The following ZNF385C variants were observed in gnomAD, a reference collection of about 807,000 sequenced individuals.
ZNF385C encodes the protein CTD-2132N18.2.
In ZNF385C, 28 loss-of-function variants were observed where a neutral mutation model predicts 35.4. That is an observed-to-expected ratio of 0.79 (90% CI 0.59 to 1.08). The LOEUF is 1.08. Among genes scored for constraint, ZNF385C ranks in the 50% least tolerant of loss-of-function variants. ZNF385C has a pLI of 0.00. For synonymous variants in ZNF385C, 248 were observed against 248.2 expected (o/e 1.00, Z 0.01); for missense variants, 605 against 595.6 (o/e 1.02, Z -0.16).
intron 7 of ZNF385C, 75 bp from the exon 8 acceptor site, chr17:42,027,803 C>G: frequency 6.8e-7 from 1 of 1,466,074 alleles, no homozygotes; most frequent in South Asian, 1.2e-5. Context: ...CTCGACTCTT[C>G]CCCTTCCTCT....
chr17:42,089,901 A>G (rs577210834), intron 1 of ZNF385C, among the ~76,000 whole-genome samples: 3 of 152,378 alleles, frequency 2.0e-5, no homozygotes, highest in East Asian at 3.9e-4. Context: ...AGTTGGATGA[A>G]TAGAGTTCAA....
intron 1 of ZNF385C, among the ~76,000 whole-genome samples, chr17:42,072,570 C>T (rs2053640417): frequency 1.3e-5 from 2 of 152,012 alleles, no homozygotes; most frequent in South Asian, 4.1e-4. Context: ...ACCTGGAGAG[C>T]GCTCCGGACA....
At chr17:42,086,820 G>GT (rs2053814171) in intron 1 of ZNF385C, among the ~76,000 whole-genome samples, 1 of 148,148 alleles carries the variant, frequency 6.8e-6, no homozygotes, top group Admixed American at 6.8e-5. Flanking sequence ...ATGTAACTCA[G>GT]TTTAATACTT....
chr17:42,047,363 C>T (rs1370864060), intron 2 of ZNF385C, among the ~76,000 whole-genome samples: 5 of 151,868 alleles, frequency 3.3e-5, no homozygotes, highest in African/African-American at 1.2e-4. Flanking sequence ...TTAGTAGAGA[C>T]GGGGTTTCAC....
chr17:42,038,411 C>T, intron 2 of ZNF385C: 1 of 269,398 alleles, frequency 3.7e-6, no homozygotes, highest in South Asian at 5.5e-5. Flanking sequence ...GGATGTGCTC[C>T]CCAGCTCTGA....
chr17:42,037,010 T>A (rs1246740020), intron 3 of ZNF385C, among the ~76,000 whole-genome samples: 1 of 152,204 alleles, frequency 6.6e-6, no homozygotes, highest in African/African-American at 2.4e-5. Flanking sequence ...ATACTTGTTA[T>A]GCACACGTGT....
intron 2 of ZNF385C, chr17:42,038,903 A>T (rs1648367161): frequency 6.6e-6 from 1 of 152,282 alleles, no homozygotes; most frequent in Non-Finnish European, 1.5e-5. Flanking sequence ...AAGCACGGTC[A>T]TCTACTCCCC....
chr17:42,072,973 C>T (rs1279107596), intron 1 of ZNF385C, among the ~76,000 whole-genome samples: 3 of 152,200 alleles, frequency 2.0e-5, no homozygotes, highest in African/African-American at 2.4e-5. Context: ...CTTCCGCCCC[C>T]GGCCGCTACC....
At chr17:42,063,911 C>T (rs1397351432) in intron 1 of ZNF385C, among the ~76,000 whole-genome samples, 1 of 152,046 alleles carries the variant, frequency 6.6e-6, no homozygotes, top group Non-Finnish European at 1.5e-5. Context: ...TGAAGCCATC[C>T]CAACCCCTGC....
At chr17:42,053,364 A>C (rs926100371) in intron 2 of ZNF385C, among the ~76,000 whole-genome samples, 2 of 152,098 alleles carry the variant, frequency 1.3e-5, no homozygotes, top group Admixed American at 1.3e-4. Flanking sequence ...TTTGGACCCC[A>C]GTGCAGTGGC....
At chr17:42,079,522 T>A (rs1598203374) in intron 1 of ZNF385C, among the ~76,000 whole-genome samples, 1 of 149,932 alleles carries the variant, frequency 6.7e-6, no homozygotes, top group Non-Finnish European at 1.5e-5. Flanking sequence ...AAAAATTAGT[T>A]GACCATGGTG....
chr17:42,058,326 C>A (rs184554022), intron 2 of ZNF385C, among the ~76,000 whole-genome samples: 5 of 152,196 alleles, frequency 3.3e-5, no homozygotes, highest in African/African-American at 9.7e-5. Context: ...ACAGCTCCCA[C>A]GGAAAAGTGC....
chr17:42,065,207 G>A (rs150177428), intron 1 of ZNF385C: 3 of 152,274 alleles, frequency 2.0e-5, no homozygotes, highest in African/African-American at 7.2e-5. Context: ...TAGTTATAGA[G>A]GGAAGACCAT....
chr17:42,068,528 G>C (rs1353545393), intron 1 of ZNF385C, among the ~76,000 whole-genome samples: 1 of 151,922 alleles, frequency 6.6e-6, no homozygotes, highest in Non-Finnish European at 1.5e-5. Flanking sequence ...TTCTTTTTTG[G>C]GGGGGATAGG....
chr17:42,029,284 C>T (rs1181560499), intron 5 of ZNF385C, among the ~76,000 whole-genome samples: 2 of 152,212 alleles, frequency 1.3e-5, no homozygotes, highest in African/African-American at 4.8e-5. Context: ...AGAAAGCCCT[C>T]ACAGCCCTCA....
intron 1 of ZNF385C, among the ~76,000 whole-genome samples, chr17:42,081,210 A>C (rs988128491): frequency 1.3e-5 from 2 of 152,080 alleles, no homozygotes; most frequent in Non-Finnish European, 2.9e-5. Flanking sequence ...AGATAAACAC[A>C]TGAATCAGGA....
At chr17:42,076,868 G>A (rs1266317154) in intron 1 of ZNF385C, among the ~76,000 whole-genome samples, 2 of 152,188 alleles carry the variant, frequency 1.3e-5, no homozygotes, top group African/African-American at 4.8e-5. Context: ...TCCTGGTAAT[G>A]GAGAGCTGGG....
intron 1 of ZNF385C, among the ~76,000 whole-genome samples, chr17:42,065,764 T>C (rs2053538411): frequency 6.6e-6 from 1 of 151,554 alleles, no homozygotes; most frequent in Non-Finnish European, 1.5e-5. Context: ...TCTGTGCTCA[T>C]GTGGTCTGCC....
intron 2 of ZNF385C, among the ~76,000 whole-genome samples, chr17:42,059,897 C>T (rs2143827583): frequency 6.6e-6 from 1 of 152,216 alleles, no homozygotes; most frequent in African/African-American, 2.4e-5. Flanking sequence ...GTTGGGATGA[C>T]AGGCGTGAGC....
Sources: allele counts gnomAD v4.1 joint callset (sites outside exome capture counted in the v4.1 genomes callset), GRCh38; gene constraint gnomAD v4.1.1; transcripts MANE v1.5; gene names NCBI Gene and HGNC (gene_info 2026-07-23, HGNC 2026-07-21).